FGGY: variants seen among roughly 807,000 people sequenced by gnomAD.
FGGY encodes FGGY carbohydrate kinase domain-containing protein.
Under a neutral mutation model 71.3 loss-of-function variants are expected in FGGY, and 72 were observed. The observed-to-expected ratio is 1.01, with a 90% CI of 0.84 to 1.23. The LOEUF (loss-of-function observed/expected upper bound fraction) is 1.23. FGGY is among the 50% of genes most tolerant of loss of function. The pLI is 0.00. For missense variants in FGGY, 668 were observed against 682.3 expected, an observed-to-expected ratio of 0.98 and a Z score of 0.23; for synonymous variants, 251 against 250.3, an observed-to-expected ratio of 1.00 and a Z score of -0.02.
chr1:59,737,989 C>G (rs1319401947), intron 14 of FGGY, among the ~76,000 whole-genome samples: 5 of 152,174 alleles, frequency 3.3e-5, no homozygotes, highest in Admixed American at 6.6e-5. Context: ...GGTTATAAAA[C>G]TTGTCTGAAT....
intron 10 of FGGY, 170 bp downstream of exon 10, chr1:59,626,219 A>G: frequency 1.8e-6 from 1 of 547,532 alleles, no homozygotes; most frequent in Non-Finnish European, 3.3e-6. Context: ...AATTCTTTAA[A>G]TGAGGTAAGA....
chr1:59,325,318 T>C (rs1019449961), intron 2 of FGGY, among the ~76,000 whole-genome samples: 7 of 151,922 alleles, frequency 4.6e-5, no homozygotes, highest in South Asian at 4.2e-4. Flanking sequence ...GATTGCGCCA[T>C]TGCACTCCAG....
rs142768372 is a variant in FGGY, at chr1:59,310,426, A to G, written c.-14-11110A>G. Among the ~76,000 whole-genome samples the G allele has an allele frequency of 4.8e-3, 727 of 152,322 alleles. 4 individuals carry two copies. The highest frequency in any genetic ancestry group is 0.017 in the African/African-American group (692 of 41,564). ...CAGGAATTCACATTTCAAAAGGAGGAGTCTATGTAAGAACAAATCATTAAA... is the reference window on the plus strand; with the variant it reads ...CAGGAATTCACATTTCAAAAGGAGGGGTCTATGTAAGAACAAATCATTAAA... On this transcript the variant is annotated intron_variant, in intron 1 of 15. Coordinates refer to ENST00000303721, the MANE Select transcript of FGGY (RefSeq NM_018291.5).
intron 7 of FGGY, among the ~76,000 whole-genome samples, chr1:59,543,539 A>C (rs1021552692): frequency 6.6e-6 from 1 of 152,230 alleles, no homozygotes; most frequent in Non-Finnish European, 1.5e-5. Flanking sequence ...ATTTAATTCC[A>C]AGCTGTGAAG....
intron 5 of FGGY, among the ~76,000 whole-genome samples, chr1:59,436,055 T>A (rs1434663768): frequency 6.6e-6 from 1 of 152,084 alleles, no homozygotes; most frequent in East Asian, 1.9e-4. Flanking sequence ...CTCGCTTGAA[T>A]CCCATCATTG....
chr1:59,667,246 G>T, intron 12 of FGGY, 37 bp from the exon 13 acceptor site: 1 of 1,613,076 alleles, frequency 6.2e-7, no homozygotes, highest in South Asian at 1.1e-5. Flanking sequence ...TTACTTTTGT[G>T]ACTATACTGA....
At chr1:59,537,778 A>G (rs2095357170) in intron 7 of FGGY, among the ~76,000 whole-genome samples, 1 of 152,166 alleles carries the variant, frequency 6.6e-6, no homozygotes, top group Non-Finnish European at 1.5e-5. Context: ...TGGTGCTGGG[A>G]AAACTGGCTA....
At chr1:59,422,184 G>A (rs150778867) in intron 5 of FGGY, among the ~76,000 whole-genome samples, 1 of 152,306 alleles carries the variant, frequency 6.6e-6, no homozygotes, top group East Asian at 1.9e-4. Context: ...TTCTGATTCA[G>A]TAGTCCTGGG....
chr1:59,627,563 C>T (rs931862611), intron 10 of FGGY, among the ~76,000 whole-genome samples: 1 of 148,196 alleles, frequency 6.7e-6, no homozygotes, highest in South Asian at 2.1e-4. Context: ...CATGAATATA[C>T]ATGCATATAC....
intron 9 of FGGY, among the ~76,000 whole-genome samples, chr1:59,623,274 G>A (rs566107536): frequency 2.6e-5 from 4 of 152,028 alleles, no homozygotes; most frequent in African/African-American, 9.6e-5. Flanking sequence ...TAATTTTTAT[G>A]GCCTTTGATC....
rs543872396 is a variant in FGGY, at chr1:59,538,065, AC to A, written c.800-16058del. On this transcript the variant is annotated intron_variant, in intron 7 of 15. Transcript: ENST00000303721. The stretch of plus-strand genomic sequence containing the variant: ...TACCATCAGACTGAACAGGCAACCT[AC>A]AAAATGGGAGAAAATTTTCACAACC... 1.6e-3 allele frequency among the ~76,000 whole-genome samples: 250 copies of A among 152,330 alleles called. 6 individuals carry two copies. In the South Asian group the frequency reaches 0.027, roughly 17 times the overall value.
intron 10 of FGGY, among the ~76,000 whole-genome samples, chr1:59,632,274 G>A (rs1167027466): frequency 1.3e-5 from 2 of 152,110 alleles, no homozygotes; most frequent in Non-Finnish European, 2.9e-5. Context: ...ATGCTCTAAG[G>A]AAAATTGTAG....
chr1:59,435,760 G>A (rs2068312958), intron 5 of FGGY, among the ~76,000 whole-genome samples: 1 of 147,630 alleles, frequency 6.8e-6, no homozygotes, highest in African/African-American at 2.7e-5. Flanking sequence ...GTGTGTGTGT[G>A]TGTGTGTGTG....
intron 9 of FGGY, among the ~76,000 whole-genome samples, chr1:59,608,710 G>A (rs34387463): frequency 0.1 from 15,189 of 152,138 alleles, 853 homozygotes; most frequent in South Asian, 0.29. Context: ...GCAGGCGCCT[G>A]TAATCTCAGC....
intron 13 of FGGY, among the ~76,000 whole-genome samples, chr1:59,668,991 C>CAAAA (rs33999903): frequency 1.1e-4 from 4 of 37,088 alleles, no homozygotes; most frequent in Non-Finnish European, 1.9e-4. Context: ...AACTCCATCT[C>CAAAA]AAAAAAAAAA....
intron 14 of FGGY, among the ~76,000 whole-genome samples, chr1:59,687,347 C>T (rs878912882): frequency 2.0e-5 from 3 of 152,342 alleles, no homozygotes; most frequent in Admixed American, 2.0e-4. Flanking sequence ...TCTAGTCACA[C>T]CACTGCCTCC....
At chr1:59,711,755 C>G (rs772039223) in intron 14 of FGGY, among the ~76,000 whole-genome samples, 13 of 152,190 alleles carry the variant, frequency 8.5e-5, no homozygotes, top group Non-Finnish European at 1.8e-4. Flanking sequence ...GACCCATTCA[C>G]TATCATGAGA....
At chr1:59,537,678 T>C (rs1407603796) in intron 7 of FGGY, among the ~76,000 whole-genome samples, 2 of 152,038 alleles carry the variant, frequency 1.3e-5, no homozygotes, top group East Asian at 1.9e-4. Context: ...AACAGAGCCC[T>C]CAGAAATAAC....
Position 59,660,528 on chromosome 1 carries a change from A to G in FGGY, c.1296+235A>G, listed in dbSNP as rs530630028. ...AAAGGAGTTAAAATCTGTGAAGATT[A>G]TACTTGTCATTTATCTAATTTGTCT... is the stretch of plus-strand genomic sequence containing the variant. On this transcript the variant is annotated intron_variant, in intron 12 of 15. Transcript: ENST00000303721. The G allele has an allele frequency of 1.4e-5, 5 of 357,894 alleles. No homozygotes were observed. In the South Asian group the frequency reaches 4.3e-4, roughly 31 times the overall value. The allele number at this position is 357,894 out of a possible 1,614,324, so 22.2% of individuals were successfully genotyped here. A position where few individuals can be genotyped will look rare whatever the true frequency, so the allele number is the denominator to read the frequency against.
Sources: allele counts gnomAD v4.1 joint callset (sites outside exome capture counted in the v4.1 genomes callset), GRCh38; gene constraint gnomAD v4.1.1; transcripts MANE v1.5; gene names NCBI Gene and HGNC (gene_info 2026-07-23, HGNC 2026-07-21).